Variants in BAZ2B observed in about 807,000 individuals in gnomAD.
BAZ2B encodes bromodomain adjacent to zinc finger domain 2B, also known as bromodomain adjacent to zinc finger domain protein 2B.
Under a neutral mutation model 246.0 loss-of-function variants are expected in BAZ2B, and 91 were observed. The observed-to-expected ratio is 0.37, with a 90% CI of 0.31 to 0.44. The LOEUF is 0.44. Among genes scored for constraint, BAZ2B ranks in the 20% least tolerant of loss-of-function variants. BAZ2B has a pLI of 1.00. For missense variants in BAZ2B, 2,332 were observed against 2,533.7 expected (o/e 0.92, Z 1.71); for synonymous variants, 855 against 860.0 (o/e 0.99, Z 0.10).
chr2:159,398,781 A>T (rs764613593), intron 18 of BAZ2B, 48 bp downstream of exon 18: 1 of 1,526,470 alleles, frequency 6.6e-7, no homozygotes, highest in Admixed American at 1.8e-5. Flanking sequence ...TATAACATAT[A>T]GTTTTTATTT....
intron 27 of BAZ2B, among the ~76,000 whole-genome samples, chr2:159,370,868 C>T (rs2060775104): frequency 6.6e-6 from 1 of 151,988 alleles, no homozygotes; most frequent in South Asian, 2.1e-4. Context: ...ATGGCACGAT[C>T]TCGGCTCACT....
chr2:159,528,350 G>A (rs1334379864), intron 2 of BAZ2B, among the ~76,000 whole-genome samples: 1 of 151,806 alleles, frequency 6.6e-6, no homozygotes, highest in African/African-American at 2.4e-5. Flanking sequence ...TATTTAGGGG[G>A]AAAAAAAGAA....
chr2:159,514,228 C>T (rs1275379953), intron 2 of BAZ2B, among the ~76,000 whole-genome samples: 1 of 152,176 alleles, frequency 6.6e-6, no homozygotes, highest in Non-Finnish European at 1.5e-5. Flanking sequence ...TTGAAAGTTT[C>T]ATTTGCTGAT....
chr2:159,451,589 T>C (rs1301244664), intron 4 of BAZ2B, among the ~76,000 whole-genome samples: 1 of 152,196 alleles, frequency 6.6e-6, no homozygotes, highest in Non-Finnish European at 1.5e-5. Context: ...AAAGACTCTG[T>C]CTTGTAATTG....
intron 2 of BAZ2B, among the ~76,000 whole-genome samples, chr2:159,526,906 G>C (rs1028170278): frequency 2.6e-5 from 4 of 151,424 alleles, no homozygotes; most frequent in Admixed American, 1.3e-4. Context: ...CTGGAGTGCA[G>C]TGGAATCTCT....
the BAZ2B span, among the ~76,000 whole-genome samples, chr2:159,645,776 A>G: frequency 6.6e-6 from 1 of 152,164 alleles, no homozygotes; most frequent in African/African-American, 2.4e-5. Context: ...ACATGTCGGT[A>G]GGTTCCATGA....
chr2:159,336,444 T>C (rs1171079900), intron 33 of BAZ2B, among the ~76,000 whole-genome samples: 1 of 152,240 alleles, frequency 6.6e-6, no homozygotes, highest in Non-Finnish European at 1.5e-5. Context: ...CTAAAGGATC[T>C]ACTGTTCATG....
chr2:159,690,175 G>A, the BAZ2B span: 2 of 477,984 alleles, frequency 4.2e-6, no homozygotes, highest in Non-Finnish European at 4.0e-6. Flanking sequence ...GGATCCTGGT[G>A]ACTAGCGTCT....
chr2:159,623,451 TA>T, the BAZ2B span, among the ~76,000 whole-genome samples: 1 of 152,038 alleles, frequency 6.6e-6, no homozygotes, highest in Non-Finnish European at 1.5e-5. Context: ...GCCCCTTAAA[TA>T]AAAACATTTG....
chr2:159,611,153 T>G (rs958662532), intron 1 of BAZ2B, among the ~76,000 whole-genome samples: 1 of 151,926 alleles, frequency 6.6e-6, no homozygotes, highest in East Asian at 1.9e-4. Flanking sequence ...CTATTGAGAA[T>G]TACCTTCCTT....
intron 13 of BAZ2B, among the ~76,000 whole-genome samples, chr2:159,418,764 T>G (rs2068206858): frequency 6.6e-6 from 1 of 152,196 alleles, no homozygotes; most frequent in African/African-American, 2.4e-5. Flanking sequence ...GGATTTACAG[T>G]CCTGTGCCAC....
chr2:159,431,151 C>T lies in BAZ2B; in HGVS notation c.1906G>A (p.Asp636Asn). The T allele has an allele frequency of 1.2e-6, 2 of 1,602,874 alleles. No individual in the cohort carries two copies. The highest frequency in any genetic ancestry group is 1.7e-6 in the Non-Finnish European group (2 of 1,173,608). ...TCTGTATCTGATTCTGAATTACTAT[C>T]TGATTCTGGGAAGTAAAAGAAGCAT... Reference protein sequence around the residue: ...DESDDSQSESDSNSESDTEGS... With the variant: ...DESDDSQSESNSNSESDTEGS... Residue 636 changes from aspartate to asparagine, a missense_variant, in exon 10 of 37, where the codon GAT becomes AAT. Transcript: ENST00000392783.
the BAZ2B span, among the ~76,000 whole-genome samples, chr2:159,688,730 CTTTG>C: frequency 1.3e-3 from 204 of 152,234 alleles, no homozygotes; most frequent in African/African-American, 4.6e-3. Context: ...ATTCTTCAGT[CTTTG>C]TTTTTCATGA....
At chr2:159,433,522 A>G (rs1013349216) in intron 8 of BAZ2B, 159 bp from the exon 9 acceptor site, 15 of 589,646 alleles carry the variant, frequency 2.5e-5, no homozygotes, top group Non-Finnish European at 3.8e-5. Flanking sequence ...AGCTATGACT[A>G]GTTGGTTGCT....
intron 25 of BAZ2B, 48 bp from the exon 26 acceptor site, chr2:159,374,801 T>G: frequency 6.6e-7 from 1 of 1,526,642 alleles, no homozygotes; most frequent in Non-Finnish European, 9.1e-7. Flanking sequence ...AAGATTTATT[T>G]ATTCAATCAG....
At chr2:159,571,122 G>C (rs1161240370) in intron 1 of BAZ2B, among the ~76,000 whole-genome samples, 3 of 152,190 alleles carry the variant, frequency 2.0e-5, no homozygotes, top group African/African-American at 7.2e-5. Flanking sequence ...CCAAAGTGCT[G>C]GGATTATAGG....
intron 27 of BAZ2B, among the ~76,000 whole-genome samples, chr2:159,357,065 TCTC>T (rs2059193299): frequency 6.6e-6 from 1 of 151,986 alleles, no homozygotes; most frequent in Non-Finnish European, 1.5e-5. Context: ...GAATGCCTCT[TCTC>T]CTCCAAAGGA....
intron 3 of BAZ2B, chr2:159,458,588 G>A (rs1015838850): frequency 6.6e-6 from 1 of 152,660 alleles, no homozygotes; most frequent in African/African-American, 2.4e-5. Context: ...GCCTCCCAAA[G>A]TGCTGGGATT....
chr2:159,361,837 T>C (rs1049335956), intron 27 of BAZ2B, among the ~76,000 whole-genome samples: 5 of 151,662 alleles, frequency 3.3e-5, no homozygotes, highest in Admixed American at 6.6e-5. Context: ...CCATCATTCT[T>C]AGCAAACTAA....
Sources: allele counts gnomAD v4.1 joint callset (sites outside exome capture counted in the v4.1 genomes callset), GRCh38; gene constraint gnomAD v4.1.1; transcripts MANE v1.5; gene names NCBI Gene and HGNC (gene_info 2026-07-23, HGNC 2026-07-21).